The following FTO variants were observed in gnomAD, a reference collection of about 807,000 sequenced individuals.
FTO encodes the protein FTO alpha-ketoglutarate dependent dioxygenase, also known as alpha-ketoglutarate-dependent dioxygenase FTO.
FTO carries 47 observed loss-of-function variants against 63.9 expected under a neutral mutation model. The observed-to-expected ratio is 0.74, with a 90% CI of 0.58 to 0.94. The LOEUF is 0.94. FTO is among the 40% of genes least tolerant of loss of function. FTO has a pLI of 0.00. For missense variants in FTO, 562 were observed against 618.1 expected (o/e 0.91, Z 0.96); for synonymous variants, 207 against 224.4 (o/e 0.92, Z 0.69).
At chr16:54,049,207 A>G (rs532114907) in intron 8 of FTO, among the ~76,000 whole-genome samples, 114 of 152,346 alleles carry the variant, frequency 7.5e-4, no homozygotes, top group African/African-American at 2.7e-3. Flanking sequence ...GTAGTTCCAC[A>G]GCCTTAATTA....
intron 8 of FTO, among the ~76,000 whole-genome samples, chr16:53,944,837 A>G (rs1173810353): frequency 6.6e-6 from 1 of 152,216 alleles, no homozygotes. Flanking sequence ...CAATAAAGCC[A>G]GGAATAAACC....
chr16:53,815,846 G>A (rs920834614), intron 2 of FTO, among the ~76,000 whole-genome samples: 6 of 147,852 alleles, frequency 4.1e-5, no homozygotes, highest in Non-Finnish European at 5.9e-5. Context: ...ACAGGGTTTC[G>A]CCTTGTTGGC....
In FTO at chr16:54,111,669, G is replaced by A; in HGVS notation, c.1365-93G>A. 3.0e-6 allele frequency: 4 copies of A among 1,337,840 alleles called. No homozygotes were observed. The South Asian group carries it at 4.7e-5, about 16-fold the overall frequency. 82.9% of individuals were successfully genotyped at this position (1,337,840 alleles called of 1,614,324 possible). A position where few individuals can be genotyped will look rare whatever the true frequency, so the allele number is the denominator to read the frequency against. On this transcript the variant is annotated intron_variant, in intron 8 of 8. Coordinates refer to ENST00000471389, the MANE Select transcript of FTO (RefSeq NM_001080432.3). Reference sequence around the variant, plus strand: ...CCTTCACCCCCGAGGACTGTCTTTGGAGCATTGGCCAGTGTTGCTCCAAGC... The same window carrying A: ...CCTTCACCCCCGAGGACTGTCTTTGAAGCATTGGCCAGTGTTGCTCCAAGC...
chr16:53,950,330 A>G (rs1480188771), intron 8 of FTO, among the ~76,000 whole-genome samples: 1 of 152,082 alleles, frequency 6.6e-6, no homozygotes, highest in Non-Finnish European at 1.5e-5. Context: ...AAATTTAAAT[A>G]CTTTGTATTA....
At chr16:53,891,329 T>A (rs1598921193) in intron 7 of FTO, among the ~76,000 whole-genome samples, 2 of 147,228 alleles carry the variant, frequency 1.4e-5, no homozygotes, top group African/African-American at 5.1e-5. Context: ...TAAAAAAAAA[T>A]TGTTTTTGTT....
At chr16:53,934,136 G>A (rs1219832171) in intron 8 of FTO, 27 bp downstream of exon 8, 1 of 1,613,686 alleles carries the variant, frequency 6.2e-7, no homozygotes, top group Non-Finnish European at 8.5e-7. Context: ...AATGGGATTT[G>A]TTGTTCTTGA....
intron 8 of FTO, among the ~76,000 whole-genome samples, chr16:54,100,412 G>T (rs1366397605): frequency 6.6e-6 from 1 of 152,162 alleles, no homozygotes; most frequent in Non-Finnish European, 1.5e-5. Flanking sequence ...GAGTGCAGTG[G>T]CACAATCACG....
At chr16:53,951,414 T>C (rs2082797438) in intron 8 of FTO, among the ~76,000 whole-genome samples, 1 of 152,138 alleles carries the variant, frequency 6.6e-6, no homozygotes. Flanking sequence ...GTGGATAATT[T>C]TGGTGGTGGG....
At chr16:54,059,808 T>C (rs1324582173) in intron 8 of FTO, among the ~76,000 whole-genome samples, 1 of 152,234 alleles carries the variant, frequency 6.6e-6, no homozygotes, top group East Asian at 1.9e-4. Context: ...CTGTTTGTGT[T>C]GACAGTTGTA....
At chr16:53,889,216 T>C (rs769650137) in intron 7 of FTO, among the ~76,000 whole-genome samples, 28 of 152,038 alleles carry the variant, frequency 1.8e-4, no homozygotes, top group Non-Finnish European at 3.8e-4. Context: ...AATTCGAAAA[T>C]AATATTTAAC....
At chr16:53,925,247 G>T (rs991087374) in intron 7 of FTO, among the ~76,000 whole-genome samples, 2 of 152,100 alleles carry the variant, frequency 1.3e-5, no homozygotes, top group African/African-American at 4.8e-5. Context: ...CTCATTATCA[G>T]TCAGAGCATA....
chr16:53,796,431 A>G (rs2078073662), intron 1 of FTO, among the ~76,000 whole-genome samples: 1 of 152,174 alleles, frequency 6.6e-6, no homozygotes, highest in Admixed American at 6.5e-5. Context: ...TATTGGTTTA[A>G]ATACTACTTT....
At chr16:53,864,053 G>T (rs1378570619) in intron 4 of FTO, among the ~76,000 whole-genome samples, 2 of 152,150 alleles carry the variant, frequency 1.3e-5, no homozygotes, top group African/African-American at 4.8e-5. Context: ...CATCTTGCCA[G>T]GAACCTTCCC....
chr16:54,114,635 C>A lies in FTO; in HGVS notation c.*2720C>A, dbSNP rs12599807. On this transcript the variant is annotated 3_prime_UTR_variant, in exon 9 of 9. Coordinates refer to ENST00000471389, the MANE Select transcript of FTO (RefSeq NM_001080432.3). The stretch of plus-strand genomic sequence containing the variant: ...AATCCGAAAGGTGAGATCACATTTG[C>A]TCTAAAGAAATGGTGATCCCAGCAC... 54,809 of 151,956 alleles carry A rather than the reference C, an allele frequency of 0.36. 10,553 individuals are homozygous for A. Among genetic ancestry groups the A allele is most frequent in the East Asian group, 0.49 (2,510 of 5,104 alleles). The allele number at this position is 151,956 out of a possible 1,614,324, so 9.4% of individuals were successfully genotyped here.
At chr16:53,981,383 G>C (rs1297465588) in intron 8 of FTO, 3 of 152,194 alleles carry the variant, frequency 2.0e-5, no homozygotes, top group Non-Finnish European at 4.4e-5. Flanking sequence ...ATATTCCCTG[G>C]TGTTCCCCAA....
intron 8 of FTO, among the ~76,000 whole-genome samples, chr16:53,996,974 G>C (rs577075661): frequency 6.6e-6 from 1 of 152,024 alleles, no homozygotes; most frequent in Non-Finnish European, 1.5e-5. Context: ...TTAGCCTGGC[G>C]TGGTGGCGGG....
intron 8 of FTO, among the ~76,000 whole-genome samples, chr16:53,949,941 T>G (rs998099681): frequency 2.0e-5 from 3 of 152,088 alleles, no homozygotes; most frequent in Admixed American, 6.6e-5. Flanking sequence ...AGTTCATTCG[T>G]TCTTTAAACA....
chr16:53,962,198 A>G (rs927801285), intron 8 of FTO, among the ~76,000 whole-genome samples: 5 of 152,170 alleles, frequency 3.3e-5, no homozygotes, highest in Non-Finnish European at 2.9e-5. Context: ...TACAGCATTC[A>G]TTTGTATGCT....
At chr16:53,736,604 A>G (rs1306961043) in intron 1 of FTO, among the ~76,000 whole-genome samples, 1 of 152,096 alleles carries the variant, frequency 6.6e-6, no homozygotes, top group Non-Finnish European at 1.5e-5. Context: ...CTCAGAACTA[A>G]TGTTCTTGCC....
Sources: gnomAD v4.1 joint callset for allele counts (sites outside exome capture counted in the v4.1 genomes callset) on GRCh38, gnomAD v4.1.1 for gene constraint, MANE v1.5 for transcripts, NCBI Gene and HGNC (gene_info 2026-07-23, HGNC 2026-07-21) for gene names.